The following DIP2C variants were observed in gnomAD, a reference collection of about 807,000 sequenced individuals.
DIP2C encodes DIP2 acetate--CoA ligase C (putative).
A neutral mutation model predicts 192.4 loss-of-function variants in DIP2C; 33 were observed. The ratio of observed to expected loss-of-function variants is 0.17; its 90% CI spans 0.13 to 0.23. The LOEUF (loss-of-function observed/expected upper bound fraction) is 0.23. Among genes scored for constraint, DIP2C ranks in the 10% least tolerant of loss-of-function variants. DIP2C has a pLI of 1.00. For synonymous variants in DIP2C, 979 were observed against 864.1 expected (o/e 1.13, Z -2.33); for missense variants, 1,537 against 2,110.1 (o/e 0.73, Z 5.32).
At position 328,039 on chromosome 10, in the gene DIP2C, C is replaced by T. The variant is rs552148268; in HGVS notation, c.3754-863G>A. Among the ~76,000 whole-genome samples, 247 of 152,266 alleles carry T rather than the reference C, an allele frequency of 1.6e-3. 1 individual carries two copies. The highest frequency in any genetic ancestry group is 5.5e-3 in the African/African-American group (230 of 41,544). On this transcript the variant is annotated intron_variant, in intron 30 of 36. Coordinates refer to ENST00000280886, the MANE Select transcript of DIP2C (RefSeq NM_014974.3). ...CTGCGTCTTGGAGTGGAACCCAGAG[C>T]TGCTAAGGGGGCGGCCACCAAAACC...
intron 5 of DIP2C, among the ~76,000 whole-genome samples, chr10:421,214 A>G (rs1383256156): frequency 1.3e-5 from 2 of 152,202 alleles, no homozygotes; most frequent in African/African-American, 4.8e-5. Context: ...GGTCACACTG[A>G]GCCTTGATGT....
intron 3 of DIP2C, among the ~76,000 whole-genome samples, chr10:464,469 G>A (rs1358260673): frequency 6.6e-6 from 1 of 152,090 alleles, no homozygotes; most frequent in African/African-American, 2.4e-5. Context: ...CAGTTAGAAT[G>A]GTTATCATTA....
intron 17 of DIP2C, among the ~76,000 whole-genome samples, chr10:377,258 A>C (rs1961727048): frequency 6.6e-6 from 1 of 151,542 alleles, no homozygotes; most frequent in Non-Finnish European, 1.5e-5. Context: ...AGCCTTGGCC[A>C]CCTTTCTATT....
intron 24 of DIP2C, among the ~76,000 whole-genome samples, chr10:352,692 C>G (rs143723762): frequency 5.3e-5 from 8 of 152,200 alleles, no homozygotes; most frequent in East Asian, 1.9e-4. Flanking sequence ...CCACCGTTGG[C>G]TGGGAGGGAC....
intron 29 of DIP2C, among the ~76,000 whole-genome samples, chr10:337,723 A>ATG (rs1325771586): frequency 1.2e-4 from 15 of 121,766 alleles, no homozygotes; most frequent in Admixed American, 6.0e-4. Context: ...GCCTAGGCTG[A>ATG]TGTGTGTGTG....
intron 1 of DIP2C, among the ~76,000 whole-genome samples, chr10:583,772 C>T (rs1189841872): frequency 6.6e-6 from 1 of 152,154 alleles, no homozygotes; most frequent in Non-Finnish European, 1.5e-5. Flanking sequence ...TTATCAAAGC[C>T]GAAATCCACC....
Position 401,605 on chromosome 10 carries a change from A to G in DIP2C, c.1150-2386T>C, listed in dbSNP as rs1273543145. Among the ~76,000 whole-genome samples the G allele has an allele frequency of 1.9e-3, 231 of 124,734 alleles. 1 individual carries two copies. The highest frequency in any genetic ancestry group is 7.1e-3 in the African/African-American group (216 of 30,236). 81.8% of individuals were successfully genotyped at this position (124,734 alleles called of 152,430 possible). On this transcript the variant is annotated intron_variant, in intron 9 of 36. Coordinates refer to ENST00000280886, the MANE Select transcript of DIP2C (RefSeq NM_014974.3). Reference sequence around the variant, plus strand: ...ATTTTACATGTGTGGTAGCATTAGCATTACTCTTCCTTATGGACAAGTTTG... The same window carrying G: ...ATTTTACATGTGTGGTAGCATTAGCGTTACTCTTCCTTATGGACAAGTTTG...
chr10:516,007 G>A (rs887242935), intron 1 of DIP2C, among the ~76,000 whole-genome samples: 1 of 151,666 alleles, frequency 6.6e-6, no homozygotes, highest in Non-Finnish European at 1.5e-5. Flanking sequence ...CAGATTCCTT[G>A]CTTTCGGGGT....
chr10:397,899 G>A (rs1409723315), intron 10 of DIP2C, among the ~76,000 whole-genome samples: 2 of 152,122 alleles, frequency 1.3e-5, no homozygotes, highest in African/African-American at 2.4e-5. Flanking sequence ...AGGAGGGGTC[G>A]GACATGCCCC....
intron 17 of DIP2C, 68 bp downstream of exon 17, chr10:382,579 T>C: frequency 2.4e-6 from 3 of 1,267,838 alleles, no homozygotes; most frequent in Non-Finnish European, 3.4e-6. Context: ...TAGGATTTCC[T>C]GATCTCCCTT....
chr10:581,739 C>T (rs1039570262), intron 1 of DIP2C, among the ~76,000 whole-genome samples: 3 of 152,072 alleles, frequency 2.0e-5, no homozygotes, highest in Non-Finnish European at 4.4e-5. Context: ...CAGTTCTACC[C>T]GGTTCTGCCC....
intron 24 of DIP2C, among the ~76,000 whole-genome samples, chr10:352,122 T>G (rs1958842375): frequency 6.6e-6 from 1 of 152,252 alleles, no homozygotes; most frequent in African/African-American, 2.4e-5. Context: ...GTGGAACTGT[T>G]TCTTCCCCAT....
chr10:524,639 A>G (rs1230001684), intron 1 of DIP2C, among the ~76,000 whole-genome samples: 1 of 152,164 alleles, frequency 6.6e-6, no homozygotes, highest in African/African-American at 2.4e-5. Flanking sequence ...CAAACAAAAC[A>G]TTCTCTAAGT....
chr10:508,570 C>T (rs1361079607), intron 1 of DIP2C, among the ~76,000 whole-genome samples: 1 of 152,186 alleles, frequency 6.6e-6, no homozygotes, highest in East Asian at 1.9e-4. Context: ...CTCTTCGCAG[C>T]AAAGACCACT....
chr10:283,168 T>TC, intron 35 of DIP2C, 104 bp downstream of exon 35: 1 of 1,464,454 alleles, frequency 6.8e-7, no homozygotes, highest in East Asian at 2.3e-5. Flanking sequence ...ACACGTGCCC[T>TC]CCTGGCTTTG....
At chr10:374,935 C>A (rs1961391687) in intron 17 of DIP2C, among the ~76,000 whole-genome samples, 2 of 152,190 alleles carry the variant, frequency 1.3e-5, no homozygotes, top group Admixed American at 6.5e-5. Flanking sequence ...AAATGGTGTT[C>A]AAGACCAAAC....
At chr10:457,004 G>C (rs1409557407) in intron 3 of DIP2C, among the ~76,000 whole-genome samples, 1 of 152,130 alleles carries the variant, frequency 6.6e-6, no homozygotes, top group East Asian at 1.9e-4. Flanking sequence ...TTTATTTCTA[G>C]CATTGCCTTT....
rs1965371971 is a variant in DIP2C at position 414,063 on chromosome 10, G to A, written c.907C>T (p.Leu303=). 4 of 1,613,764 alleles carry A rather than the reference G, an allele frequency of 2.5e-6. No individual in the cohort carries two copies. The highest frequency in any genetic ancestry group is 1.3e-5 in the African/African-American group (1 of 74,948). The change falls in exon 8 of 37, where the codon CTG becomes TTG. Residue 303 remains leucine (L), a synonymous_variant. Transcript: ENST00000280886. ...CCCAGCTGCTCTCCGCGCATGGCCA[G>A]CATCTGGGCCCCCTCCGGCTTTGGT... ...NQPKPEGAQM[L]AMRGEQLGVV...
chr10:616,284 T>C (rs753446405), intron 1 of DIP2C, among the ~76,000 whole-genome samples: 2 of 152,248 alleles, frequency 1.3e-5, no homozygotes, highest in African/African-American at 2.4e-5. Context: ...ATAGCTCCTA[T>C]TTACGTTACA....
Sources: allele counts gnomAD v4.1 joint callset (sites outside exome capture counted in the v4.1 genomes callset), GRCh38; gene constraint gnomAD v4.1.1; transcripts MANE v1.5; gene names NCBI Gene and HGNC (gene_info 2026-07-23, HGNC 2026-07-21).